Variants in C4orf50 observed in about 807,000 individuals in gnomAD.
C4orf50 encodes the protein uncharacterized protein C4orf50.
C4orf50 carries 80 observed loss-of-function variants against 77.2 expected under a neutral mutation model. The observed-to-expected ratio is 1.04, with a 90% CI of 0.87 to 1.25. The LOEUF (loss-of-function observed/expected upper bound fraction) is 1.25. Ranked by LOEUF, C4orf50 falls within the 50% of genes most tolerant of loss-of-function variation. C4orf50 has a pLI of 0.00. For synonymous variants in C4orf50, 532 were observed against 465.3 expected, an observed-to-expected ratio of 1.14 and a Z score of -1.84; for missense variants, 1,257 against 1,152.9, an observed-to-expected ratio of 1.09 and a Z score of -1.31.
rs2108772300 is a variant in C4orf50, at chr4:5,970,641, C to T, written c.4104+3018G>A. Among the ~76,000 whole-genome samples the T allele has an allele frequency of 6.6e-6, 1 of 152,308 alleles. No individual in the cohort carries two copies. The highest frequency in any genetic ancestry group is 1.5e-5 in the Non-Finnish European group (1 of 68,028). ...TCTGAGGCTCAATTTCCACCACGCA[C>T]CCAAACCAGGACAAGAAAAGAAAAT... On this transcript the variant is annotated intron_variant, in intron 31 of 33. Transcript: ENST00000531445. The surrounding 1 kb of genome is among the most constrained non-coding windows in gnomAD (Gnocchi z 4.3).
At chr4:5,977,079 G>A (rs977839121) in intron 29 of C4orf50, among the ~76,000 whole-genome samples, 3 of 152,200 alleles carry the variant, frequency 2.0e-5, no homozygotes, top group African/African-American at 4.8e-5. Flanking sequence ...AGGCACCAGC[G>A]GGAGCTGCCT....
In C4orf50 at chr4:5,898,944, C is replaced by G. The variant is rs1344237621; in HGVS notation, c.*2475-756G>C. The stretch of plus-strand genomic sequence containing the variant: ...TTACACTAAAAATGCAGAAGTCAGA[C>G]TTGTATAGGAGCTGTGCTTTCTGAA... On this transcript the variant is annotated intron_variant, in intron 7 of 7. Transcript: ENST00000324058. 3.9e-5 allele frequency: 6 copies of G among 152,216 alleles called. No individual in the cohort carries two copies. The East Asian group carries it at 1.2e-3, about 29-fold the overall frequency. 9.4% of individuals were successfully genotyped at this position (152,216 alleles called of 1,614,324 possible).
Position 6,007,071 on chromosome 4 carries a change from A to C in C4orf50, c.963+925T>G, listed in dbSNP as rs1722278788. ...CTGGCTGTCAGCAGGAACTCATTGG[A>C]TGTTGGACAGATGGATGGACAAGAG... On this transcript the variant is annotated intron_variant, in intron 25 of 33. Transcript: ENST00000531445. The surrounding 1 kb of genome is among the most constrained non-coding windows in gnomAD (Gnocchi z 4.1). Among the ~76,000 whole-genome samples, 1 of 152,180 alleles carries C rather than the reference A, an allele frequency of 6.6e-6. No individual in the cohort carries two copies.
chr4:6,002,023 G>A (rs1377366133), intron 25 of C4orf50, among the ~76,000 whole-genome samples: 2 of 152,374 alleles, frequency 1.3e-5, no homozygotes, highest in East Asian at 3.9e-4. Context: ...ACTTTGTGGA[G>A]TGGGTTGAAT....
intron 33 of C4orf50, among the ~76,000 whole-genome samples, chr4:5,962,301 C>T (rs1719317639): frequency 6.6e-6 from 1 of 152,224 alleles, no homozygotes; most frequent in African/African-American, 2.4e-5. Flanking sequence ...TGATTTCCAA[C>T]AGAGGAAAGG....
intron 25 of C4orf50, among the ~76,000 whole-genome samples, chr4:6,005,621 T>C (rs928104128): frequency 1.3e-5 from 2 of 152,186 alleles, no homozygotes; most frequent in African/African-American, 4.8e-5. Flanking sequence ...ATGATGTCAC[T>C]TAAACTCCCT....
At chr4:5,973,938 C>G in intron 30 of C4orf50, 97 bp from the exon 9 acceptor site, 1 of 965,994 alleles carries the variant, frequency 1.0e-6, no homozygotes. Context: ...GGCCCCTACT[C>G]ACCATCCCCA....
intron 28 of C4orf50, among the ~76,000 whole-genome samples, chr4:5,982,698 T>C (rs1422068390): frequency 6.6e-6 from 1 of 152,018 alleles, no homozygotes; most frequent in Non-Finnish European, 1.5e-5. Context: ...AATGGTATCA[T>C]TGAAGGCAGA....
chr4:6,008,176 C>A lies in C4orf50; in HGVS notation c.783G>T (p.Leu261=), dbSNP rs916359437. ...GGCGCTCGGTGGCCCGGTGCTCCTG[C>A]AGGCTGCGCGCCGCCTCTTCCCGCT... Residue 261 remains leucine, a synonymous_variant, in exon 25 of 34, where the codon CTG becomes CTT. Transcript: ENST00000531445. This position sits in a 1 kb window ranked among gnomAD's most constrained non-coding sequence, Gnocchi z 6.0. 1.1e-4 allele frequency: 42 copies of A among 398,554 alleles called. No homozygotes were observed. Among genetic ancestry groups the A allele is most frequent in the Middle Eastern group, 6.3e-4 (1 of 1,588 alleles). The allele number at this position is 398,554 out of a possible 1,614,324, so 24.7% of individuals were successfully genotyped here. A position where few individuals can be genotyped will look rare whatever the true frequency, so the allele number is the denominator to read the frequency against.
At chr4:5,967,050 A>C (rs148459206) in intron 32 of C4orf50, among the ~76,000 whole-genome samples, 1 of 152,324 alleles carries the variant, frequency 6.6e-6, no homozygotes, top group African/African-American at 2.4e-5. Flanking sequence ...TTCACTGATT[A>C]TATGGGTTCA....
intron 7 of C4orf50, among the ~76,000 whole-genome samples, chr4:5,950,996 A>G (rs1560559120): frequency 1.3e-5 from 2 of 152,226 alleles, no homozygotes; most frequent in Non-Finnish European, 2.9e-5. Context: ...CAGCCCACAC[A>G]CAGAACAGAG....
intron 7 of C4orf50, among the ~76,000 whole-genome samples, chr4:5,940,154 C>CT (rs1718201563): frequency 6.6e-6 from 1 of 152,228 alleles, no homozygotes; most frequent in Non-Finnish European, 1.5e-5. Context: ...TTGTCCCTCA[C>CT]TGGAAGTGTC....
At chr4:5,909,603 C>T (rs1716707907) in intron 7 of C4orf50, among the ~76,000 whole-genome samples, 1 of 152,190 alleles carries the variant, frequency 6.6e-6, no homozygotes, top group Admixed American at 6.5e-5. Context: ...TGTCCTGAAG[C>T]ATTTCTCCCA....
intron 28 of C4orf50, among the ~76,000 whole-genome samples, chr4:5,985,384 A>G (rs77104238): frequency 0.044 from 6,753 of 152,120 alleles, 274 homozygotes; most frequent in East Asian, 0.19. Flanking sequence ...GGAGTAATAT[A>G]TAACAAAAAT....
chr4:6,003,238 C>T (rs927961775), intron 25 of C4orf50, among the ~76,000 whole-genome samples: 8 of 152,224 alleles, frequency 5.3e-5, no homozygotes, highest in African/African-American at 1.4e-4. Context: ...GAGCTCCCAC[C>T]AGCCATTCAG....
At chr4:5,948,283 A>C (rs77383401) in intron 7 of C4orf50, among the ~76,000 whole-genome samples, 5,816 of 152,324 alleles carry the variant, frequency 0.038, 317 homozygotes, top group African/African-American at 0.12. Context: ...AAGTGATGAA[A>C]GAATGGTATT....
rs1414523790 is a variant in C4orf50, at chr4:5,970,684, G to A, written c.4104+2975C>T. On this transcript the variant is annotated intron_variant, in intron 31 of 33. Transcript: ENST00000531445. The surrounding 1 kb of genome is among the most constrained non-coding windows in gnomAD (Gnocchi z 4.3). ...AAGAAAATGGAAATACAAAGACTCAGTCACGTGCAGGGAGGGGAGGTGGTC... is the reference window on the plus strand; with the variant it reads ...AAGAAAATGGAAATACAAAGACTCAATCACGTGCAGGGAGGGGAGGTGGTC... Among the ~76,000 whole-genome samples, 1 of 152,240 alleles carries A rather than the reference G, an allele frequency of 6.6e-6. No homozygotes were observed. The highest frequency in any genetic ancestry group is 2.4e-5 in the African/African-American group (1 of 41,468).
intron 7 of C4orf50, among the ~76,000 whole-genome samples, chr4:5,935,545 T>G (rs1334582843): frequency 1.3e-5 from 2 of 151,970 alleles, no homozygotes; most frequent in Admixed American, 6.6e-5. Context: ...CCCAGCACTT[T>G]GGGAGGTCAA....
chr4:5,976,502 G>T (rs1359868137), intron 29 of C4orf50, among the ~76,000 whole-genome samples: 1 of 148,878 alleles, frequency 6.7e-6, no homozygotes, highest in Non-Finnish European at 1.5e-5. Context: ...CTGCCCAGCT[G>T]CAGTGGCTGG....
Sources: allele counts gnomAD v4.1 joint callset (sites outside exome capture counted in the v4.1 genomes callset), GRCh38; gene constraint gnomAD v4.1.1; non-coding constraint Gnocchi (gnomAD v3.1); transcripts MANE v1.5; gene names NCBI Gene and HGNC (gene_info 2026-07-23, HGNC 2026-07-21).